Variants in PHACTR3 observed in about 807,000 individuals in gnomAD.
PHACTR3 encodes the protein protein phosphatase 1, regulatory subunit 123.
A neutral mutation model predicts 66.8 loss-of-function variants in PHACTR3; 16 were observed. The observed-to-expected ratio is 0.24, with a 90% CI of 0.16 to 0.36. The LOEUF (loss-of-function observed/expected upper bound fraction) is 0.36, where lower values mean the gene tolerates loss of function less well. Among genes scored for constraint, PHACTR3 ranks in the 10% least tolerant of loss-of-function variants. PHACTR3 has a pLI of 1.00. For synonymous variants in PHACTR3, 323 were observed against 292.1 expected (o/e 1.11, Z -1.08); for missense variants, 647 against 719.9 (o/e 0.90, Z 1.16).
At chr20:59,699,050 A>T (rs2037398377) in intron 1 of PHACTR3, among the ~76,000 whole-genome samples, 1 of 152,168 alleles carries the variant, frequency 6.6e-6, no homozygotes, top group Non-Finnish European at 1.5e-5. Flanking sequence ...AAATGTATGG[A>T]GTATTAACTG....
At chr20:59,686,671 GTGA>G (rs1322091687) in intron 1 of PHACTR3, among the ~76,000 whole-genome samples, 52 of 148,208 alleles carry the variant, frequency 3.5e-4, no homozygotes, top group African/African-American at 1.1e-3. Flanking sequence ...GATGATGATG[GTGA>G]TGATGATGGT....
intron 11 of PHACTR3, among the ~76,000 whole-genome samples, chr20:59,842,402 C>T (rs957726672): frequency 1.3e-5 from 2 of 152,112 alleles, no homozygotes; most frequent in African/African-American, 4.8e-5. Context: ...GAAATGTGAA[C>T]GTGTTGGACT....
chr20:59,658,278 C>T (rs1178074955), intron 1 of PHACTR3, among the ~76,000 whole-genome samples: 1 of 151,606 alleles, frequency 6.6e-6, no homozygotes, highest in Non-Finnish European at 1.5e-5. Flanking sequence ...ACTTTGAAAT[C>T]TTTCTAAGTC....
intron 1 of PHACTR3, among the ~76,000 whole-genome samples, chr20:59,653,414 A>T (rs1317693003): frequency 1.3e-5 from 2 of 152,016 alleles, no homozygotes; most frequent in Admixed American, 6.5e-5. Context: ...CGAACTCCTG[A>T]TCCTGTGATC....
chr20:59,605,023 G>A lies in PHACTR3; in HGVS notation c.9G>A (p.Ala3=). The stretch of plus-strand genomic sequence containing the variant: ...CCGCGCCGGCCGGGCCCATGGCCGC[G>A]TCGGAGGACGGGAGCGGCTGCCTCG... MA[A]SEDGSGCLVS... is the part of the protein sequence containing the mutation. Residue 3 remains alanine, a synonymous_variant, in exon 1 of 13, where the codon GCG becomes GCA. Coordinates refer to ENST00000371015, the MANE Select transcript of PHACTR3 (RefSeq NM_080672.5). The A allele has an allele frequency of 7.5e-7, 1 of 1,335,680 alleles. No individual in the cohort carries two copies. Among genetic ancestry groups the A allele is most frequent in the Non-Finnish European group, 9.7e-7 (1 of 1,035,922 alleles). 82.7% of individuals were successfully genotyped at this position (1,335,680 alleles called of 1,614,324 possible).
At chr20:59,844,905 T>G (rs2059123720) in intron 11 of PHACTR3, 1 of 243,662 alleles carries the variant, frequency 4.1e-6, no homozygotes, top group Admixed American at 5.4e-5. Context: ...TCACACAGTC[T>G]ATGCATATAA....
At chr20:59,709,754 A>G (rs2037844736) in intron 1 of PHACTR3, among the ~76,000 whole-genome samples, 1 of 151,774 alleles carries the variant, frequency 6.6e-6, no homozygotes, top group Non-Finnish European at 1.5e-5. Flanking sequence ...TGCATGAAGG[A>G]CCTGATGGGA....
At chr20:59,750,597 C>A (rs1159998522) in intron 3 of PHACTR3, among the ~76,000 whole-genome samples, 3 of 152,126 alleles carry the variant, frequency 2.0e-5, no homozygotes, top group African/African-American at 7.2e-5. Context: ...AGACGCCTCC[C>A]GTCTTCCCTG....
At chr20:59,825,794 G>C (rs1008712486) in intron 8 of PHACTR3, among the ~76,000 whole-genome samples, 1 of 152,164 alleles carries the variant, frequency 6.6e-6, no homozygotes, top group Non-Finnish European at 1.5e-5. Context: ...GCTGTGGTCT[G>C]AATGTTTGTG....
At chr20:59,731,707 C>T (rs908338039) in intron 1 of PHACTR3, among the ~76,000 whole-genome samples, 1 of 152,082 alleles carries the variant, frequency 6.6e-6, no homozygotes, top group African/African-American at 2.4e-5. Flanking sequence ...TTGATTTTTC[C>T]ACTGGTGTCA....
intron 4 of PHACTR3, among the ~76,000 whole-genome samples, chr20:59,762,565 G>C (rs1251007907): frequency 6.6e-6 from 1 of 152,200 alleles, no homozygotes; most frequent in Non-Finnish European, 1.5e-5. Context: ...CGAGGGTCAG[G>C]GTGGCTGCAC....
chr20:59,592,186 T>C (rs1053854155), intron 1 of PHACTR3, among the ~76,000 whole-genome samples: 3 of 152,162 alleles, frequency 2.0e-5, no homozygotes, highest in Non-Finnish European at 4.4e-5. Flanking sequence ...CCTTTGTGTG[T>C]GCTGTTTCCC....
At chr20:59,741,855 C>A (rs1010854383) in intron 1 of PHACTR3, among the ~76,000 whole-genome samples, 1 of 151,918 alleles carries the variant, frequency 6.6e-6, no homozygotes, top group African/African-American at 2.4e-5. Context: ...CTTTGCCTCC[C>A]GGGTTGAAAC....
intron 1 of PHACTR3, among the ~76,000 whole-genome samples, chr20:59,637,777 T>C (rs1218069992): frequency 6.6e-6 from 1 of 151,598 alleles, no homozygotes; most frequent in East Asian, 1.9e-4. Flanking sequence ...TTGTGGTTGA[T>C]GTGGCTGCAT....
At chr20:59,744,647 T>C (rs2039301511) in intron 2 of PHACTR3, among the ~76,000 whole-genome samples, 1 of 152,220 alleles carries the variant, frequency 6.6e-6, no homozygotes, top group African/African-American at 2.4e-5. Flanking sequence ...CCTCCACTCA[T>C]GCTTTTCTGT....
At chr20:59,602,287 C>T (rs1392351335), upstream of PHACTR3, among the ~76,000 whole-genome samples, 6 of 151,918 alleles carry the variant, frequency 3.9e-5, no homozygotes, top group Admixed American at 3.3e-4. Context: ...TGCATGTCGG[C>T]CCGGTGTGGA....
intron 6 of PHACTR3, among the ~76,000 whole-genome samples, chr20:59,773,721 C>G (rs1365570268): frequency 6.6e-6 from 1 of 152,202 alleles, no homozygotes; most frequent in East Asian, 1.9e-4. Context: ...CCCCTCAGGA[C>G]CCAGGGTGGG....
intron 7 of PHACTR3, among the ~76,000 whole-genome samples, chr20:59,804,892 T>C (rs2041517125): frequency 6.6e-6 from 1 of 152,228 alleles, no homozygotes; most frequent in Non-Finnish European, 1.5e-5. Flanking sequence ...TTAGGTACCA[T>C]GTTTCTTAAG....
At chr20:59,823,008 G>A (rs1410236694) in intron 8 of PHACTR3, among the ~76,000 whole-genome samples, 2 of 152,224 alleles carry the variant, frequency 1.3e-5, no homozygotes, top group East Asian at 3.9e-4. Context: ...AGCGTCCAAG[G>A]AGGAAAGCGG....
Sources: gnomAD v4.1 joint callset for allele counts (sites outside exome capture counted in the v4.1 genomes callset) on GRCh38, gnomAD v4.1.1 for gene constraint, MANE v1.5 for transcripts, NCBI Gene and HGNC (gene_info 2026-07-23, HGNC 2026-07-21) for gene names.